Variants in PLAC1 observed in about 807,000 individuals in gnomAD.
PLAC1 encodes the protein placenta-specific protein 1.
For synonymous variants in PLAC1, 68 were observed against 62.1 expected, an observed-to-expected ratio of 1.09 and a Z score of -0.44; for missense variants, 136 against 163.2, an observed-to-expected ratio of 0.83 and a Z score of 0.91.
At chrX:134,650,357 G>A (rs1280804337) in intron 1 of PLAC1, among the ~76,000 whole-genome samples, 5 of 111,536 alleles carry the variant, frequency 4.5e-5, no homozygotes, top group East Asian at 2.8e-4. Flanking sequence ...GAAACAACAC[G>A]GTGACAGCAG....
rs746911742 is a variant in PLAC1, at chrX:134,710,759, G to A, written n.174+22676C>T. Among the ~76,000 whole-genome samples, 6 of 111,084 alleles carry A rather than the reference G, an allele frequency of 5.4e-5. No homozygotes were observed. The East Asian group carries it at 1.4e-3, about 26-fold the overall frequency. On this transcript the variant is annotated intron_variant and non_coding_transcript_variant, in intron 2 of 2. Transcript: ENST00000466797. ...AAACATACCAAATTAATAAAAATGA[G>A]TTGACTGGAGGCAGGAGATAAAGGG... is the stretch of plus-strand genomic sequence containing the variant.
chrX:134,578,759 G>A (rs990154037), intron 2 of PLAC1, among the ~76,000 whole-genome samples: 2 of 107,931 alleles, frequency 1.9e-5, no homozygotes, highest in East Asian at 5.9e-4. Flanking sequence ...GGAATTTACA[G>A]GAGAGCTGAT....
chrX:134,642,277 G>T lies in PLAC1; in HGVS notation c.-131+16051C>A, dbSNP rs981388041. On this transcript the variant is annotated intron_variant, in intron 1 of 2. Transcript: ENST00000359237. ...AATCAAGAAACTAAAGCTACCAAGGGTATTTTTTTCCTTTTTAAAAAAAGA... is the reference window on the plus strand; with the variant it reads ...AATCAAGAAACTAAAGCTACCAAGGTTATTTTTTTCCTTTTTAAAAAAAGA... Among the ~76,000 whole-genome samples the T allele has an allele frequency of 2.7e-5, 3 of 111,778 alleles. No individual in the cohort carries two copies. The South Asian group carries it at 1.1e-3, about 42-fold the overall frequency.
At chrX:134,598,234 A>G (rs2078071181) in intron 2 of PLAC1, among the ~76,000 whole-genome samples, 1 of 111,971 alleles carries the variant, frequency 8.9e-6, no homozygotes, top group African/African-American at 3.2e-5. Context: ...TGAGTGGATC[A>G]TACTCGTGTA....
Position 134,761,910 on chromosome X carries a change from T to A in PLAC1, n.89+2324A>T, listed in dbSNP as rs373765232. Among the ~76,000 whole-genome samples the A allele has an allele frequency of 6.2e-5, 7 of 112,108 alleles. No individual in the cohort carries two copies. In the East Asian group the frequency reaches 1.1e-3, roughly 18 times the overall value. ...ATTTGAGGGTTAAATTATGGAATGT[T>A]CACACAATTGCTAAAAATGAACCCA... On this transcript the variant is annotated intron_variant and non_coding_transcript_variant, in intron 1 of 2. Coordinates refer to the PLAC1 transcript ENST00000466797.
chrX:134,600,721 T>C (rs1486977583), intron 2 of PLAC1, among the ~76,000 whole-genome samples: 1 of 110,744 alleles, frequency 9.0e-6, no homozygotes, highest in Non-Finnish European at 1.9e-5. Context: ...ATTACTAGGA[T>C]TTTATGAATG....
chrX:134,676,756 T>C (rs755979875), intron 2 of PLAC1, among the ~76,000 whole-genome samples: 1 of 111,603 alleles, frequency 9.0e-6, no homozygotes, highest in South Asian at 3.8e-4. Flanking sequence ...AGTGTCCTTA[T>C]TGGAGCCAAT....
chrX:134,648,924 T>C (rs764829043), intron 1 of PLAC1, among the ~76,000 whole-genome samples: 1 of 111,577 alleles, frequency 9.0e-6, no homozygotes, highest in South Asian at 3.8e-4. Context: ...GTTTGTTAAA[T>C]ATAGCCATTG....
At chrX:134,720,346 A>G (rs1015142119) in intron 2 of PLAC1, among the ~76,000 whole-genome samples, 3 of 112,466 alleles carry the variant, frequency 2.7e-5, no homozygotes, top group Admixed American at 9.4e-5. Context: ...AGAAGGCCTT[A>G]GTAAATGGAA....
rs983307673 is a variant in PLAC1, at chrX:134,710,807, C to CT, written n.174+22627dup. On this transcript the variant is annotated intron_variant and non_coding_transcript_variant, in intron 2 of 2. Transcript: ENST00000466797. ...GGGGGCCTCAACTTTTCATGTAGCA[C>CT]TTTTTTTTTAATTTAAAAAGAATGG... Among the ~76,000 whole-genome samples the CT allele has an allele frequency of 5.2e-4, 57 of 109,690 alleles. No homozygotes were observed. The South Asian group carries it at 0.019, about 36-fold the overall frequency.
At chrX:134,674,241 G>A (rs1050913759) in intron 2 of PLAC1, among the ~76,000 whole-genome samples, 2 of 112,664 alleles carry the variant, frequency 1.8e-5, no homozygotes, top group African/African-American at 6.5e-5. Context: ...AGGATGACAT[G>A]TTGAGGAAAA....
chrX:134,754,638 T>C (rs2078752095), intron 1 of PLAC1, among the ~76,000 whole-genome samples: 1 of 110,861 alleles, frequency 9.0e-6, no homozygotes, highest in Admixed American at 9.7e-5. Flanking sequence ...CAAGGATTTC[T>C]AGTGGTAGGA....
chrX:134,599,595 G>A (rs1244325408), intron 2 of PLAC1: 1 of 111,750 alleles, frequency 8.9e-6, no homozygotes, highest in Non-Finnish European at 1.9e-5. Flanking sequence ...AGCAGCATGA[G>A]AACAGACTAA....
At chrX:134,746,345 T>TG (rs2078729090) in intron 1 of PLAC1, among the ~76,000 whole-genome samples, 1 of 112,283 alleles carries the variant, frequency 8.9e-6, no homozygotes, top group Non-Finnish European at 1.9e-5. Context: ...GCTGGCTGGC[T>TG]GCCTCATTGT....
At chrX:134,732,742 C>A (rs1374839970) in intron 2 of PLAC1, among the ~76,000 whole-genome samples, 6 of 112,195 alleles carry the variant, frequency 5.3e-5, no homozygotes, top group Non-Finnish European at 9.4e-5. Context: ...CGGATCCTAC[C>A]TTCCTTATCT....
chrX:134,690,468 A>T (rs1357561313), intron 2 of PLAC1, among the ~76,000 whole-genome samples: 1 of 110,985 alleles, frequency 9.0e-6, no homozygotes, highest in Non-Finnish European at 1.9e-5. Context: ...AATATCCCAG[A>T]CCTGCTGAGT....
At chrX:134,570,270 G>A (rs1336542414) in intron 2 of PLAC1, among the ~76,000 whole-genome samples, 2 of 111,504 alleles carry the variant, frequency 1.8e-5, no homozygotes, top group Non-Finnish European at 3.8e-5. Context: ...GTTATTGGGG[G>A]CAGAGGGAAA....
chrX:134,643,306 A>G (rs1197311062), intron 1 of PLAC1, among the ~76,000 whole-genome samples: 2 of 111,682 alleles, frequency 1.8e-5, no homozygotes, highest in Non-Finnish European at 3.8e-5. Flanking sequence ...CTTAACACAC[A>G]CAAGTAGTCT....
At chrX:134,749,403 G>A (rs1490072529) in intron 1 of PLAC1, among the ~76,000 whole-genome samples, 1 of 111,896 alleles carries the variant, frequency 8.9e-6, no homozygotes, top group Admixed American at 9.5e-5. Flanking sequence ...GCTAAAGTGG[G>A]AGGATCCCTT....
Sources: allele counts gnomAD v4.1 joint callset (sites outside exome capture counted in the v4.1 genomes callset), GRCh38; gene constraint gnomAD v4.1.1; transcripts MANE v1.5; gene names NCBI Gene and HGNC (gene_info 2026-07-23, HGNC 2026-07-21).